Variants in ZNF804B observed in about 807,000 individuals in gnomAD.
The protein encoded by ZNF804B is zinc finger protein 804B.
Under a neutral mutation model 101.4 loss-of-function variants are expected in ZNF804B, and 80 were observed. The observed-to-expected ratio is 0.79, with a 90% confidence interval of 0.66 to 0.95. The LOEUF (loss-of-function observed/expected upper bound fraction) is 0.95, where lower values mean the gene tolerates loss of function less well. Among genes scored for constraint, ZNF804B ranks in the 40% least tolerant of loss-of-function variants. The pLI is 0.00. For synonymous variants in ZNF804B, 622 were observed against 558.8 expected, an observed-to-expected ratio of 1.11 and a Z score of -1.59; for missense variants, 1,673 against 1,561.9, an observed-to-expected ratio of 1.07 and a Z score of -1.20.
chr7:89,145,825 T>C (rs1790782683), intron 1 of ZNF804B, among the ~76,000 whole-genome samples: 1 of 152,054 alleles, frequency 6.6e-6, no homozygotes, highest in African/African-American at 2.4e-5. Context: ...AATCCTCTTT[T>C]TTCATTTTTG....
intron 1 of ZNF804B, among the ~76,000 whole-genome samples, chr7:89,030,246 A>G (rs1329056072): frequency 6.6e-6 from 1 of 152,182 alleles, no homozygotes; most frequent in Non-Finnish European, 1.5e-5. Context: ...GTTTAGTGTC[A>G]TCTGAAGTCT....
intron 2 of ZNF804B, among the ~76,000 whole-genome samples, chr7:89,302,868 A>T (rs1562941033): frequency 1.3e-5 from 2 of 151,924 alleles, no homozygotes; most frequent in Non-Finnish European, 2.9e-5. Flanking sequence ...TAACAACCTG[A>T]TGGCAATAAA....
At chr7:89,161,507 T>C (rs556558814) in intron 1 of ZNF804B, among the ~76,000 whole-genome samples, 15 of 100,306 alleles carry the variant, frequency 1.5e-4, no homozygotes, top group African/African-American at 3.8e-4. Context: ...ATATATACTG[T>C]AGACTATTGA....
chr7:89,335,736 A>C lies in ZNF804B; in HGVS notation c.2754A>C (p.Gly918=), dbSNP rs781272729. 6.2e-6 allele frequency: 10 copies of C among 1,613,950 alleles called. No individual in the cohort carries two copies. Among genetic ancestry groups the C allele is most frequent in the Non-Finnish European group, 6.8e-6 (8 of 1,179,974 alleles). Residue 918 remains glycine (G), a synonymous_variant, in exon 4 of 4, where the codon GGA becomes GGC. Coordinates refer to ENST00000333190, the MANE Select transcript of ZNF804B (RefSeq NM_181646.5). Reference sequence around the variant, plus strand: ...CCACAGAATCAAACACTGCAGAAGGAGAGAGGACCCCTCTAACAGCAAAAA... The same window carrying C: ...CCACAGAATCAAACACTGCAGAAGGCGAGAGGACCCCTCTAACAGCAAAAA... ...SETTESNTAE[G]ERTPLTAKIL...
intron 1 of ZNF804B, among the ~76,000 whole-genome samples, chr7:89,090,485 G>T (rs1197156138): frequency 6.6e-6 from 1 of 152,002 alleles, no homozygotes; most frequent in African/African-American, 2.4e-5. Flanking sequence ...TAATCAACAT[G>T]TATTTGATAA....
intron 1 of ZNF804B, among the ~76,000 whole-genome samples, chr7:88,937,849 A>G (rs1279111959): frequency 1.3e-5 from 2 of 152,076 alleles, no homozygotes; most frequent in African/African-American, 4.8e-5. Flanking sequence ...AAAAAACTTT[A>G]CATCTTTGAG....
chr7:89,279,684 G>T (rs1010812555), intron 2 of ZNF804B, among the ~76,000 whole-genome samples: 5 of 152,124 alleles, frequency 3.3e-5, no homozygotes, highest in African/African-American at 9.7e-5. Context: ...AACCAGCCTT[G>T]CATCCCAGGG....
intron 2 of ZNF804B, among the ~76,000 whole-genome samples, chr7:89,247,012 G>A (rs939785513): frequency 1.3e-5 from 2 of 152,120 alleles, no homozygotes; most frequent in African/African-American, 2.4e-5. Context: ...GGTGCAGGGG[G>A]CTCCTCTCCA....
chr7:89,280,552 A>G (rs1390428576), intron 2 of ZNF804B, among the ~76,000 whole-genome samples: 1 of 152,240 alleles, frequency 6.6e-6, no homozygotes, highest in African/African-American at 2.4e-5. Context: ...AATAGACGCA[A>G]TAAAAAATGA....
chr7:89,106,160 C>G (rs1790133547), intron 1 of ZNF804B, among the ~76,000 whole-genome samples: 1 of 152,124 alleles, frequency 6.6e-6, no homozygotes, highest in Non-Finnish European at 1.5e-5. Context: ...TAGTGTGTGG[C>G]ATGGAGCCCA....
intron 1 of ZNF804B, among the ~76,000 whole-genome samples, chr7:88,954,819 A>G (rs1339991227): frequency 6.6e-6 from 1 of 151,700 alleles, no homozygotes; most frequent in Admixed American, 6.6e-5. Flanking sequence ...TGGGTAATTC[A>G]CTTATTTTCA....
chr7:89,252,275 T>C, intron 2 of ZNF804B, among the ~76,000 whole-genome samples: 2 of 151,984 alleles, frequency 1.3e-5, no homozygotes, highest in East Asian at 1.9e-4. Context: ...CAAAAGAAGA[T>C]TTATAAGCAG....
intron 2 of ZNF804B, among the ~76,000 whole-genome samples, chr7:89,323,937 T>C (rs1479859078): frequency 2.6e-5 from 4 of 152,112 alleles, no homozygotes; most frequent in Non-Finnish European, 5.9e-5. Flanking sequence ...CTGAAGTAAA[T>C]GAGTTCTTGT....
chr7:89,173,387 ATAAT>A (rs2116437759), intron 1 of ZNF804B, among the ~76,000 whole-genome samples: 1 of 152,070 alleles, frequency 6.6e-6, no homozygotes, highest in East Asian at 1.9e-4. Context: ...AAGTATGAAA[ATAAT>A]TATGTTAAAT....
intron 1 of ZNF804B, among the ~76,000 whole-genome samples, chr7:89,142,078 T>A (rs1298939587): frequency 6.6e-6 from 1 of 151,692 alleles, no homozygotes; most frequent in East Asian, 1.9e-4. Flanking sequence ...CCTTTAAAGA[T>A]TTTTTTAAGA....
chr7:88,906,728 C>G (rs149700149), intron 1 of ZNF804B, among the ~76,000 whole-genome samples: 5 of 152,104 alleles, frequency 3.3e-5, no homozygotes, highest in Admixed American at 2.0e-4. Flanking sequence ...GTGGAGTGTT[C>G]TATAGGTGTC....
At chr7:89,119,598 G>A (rs1331397992) in intron 1 of ZNF804B, among the ~76,000 whole-genome samples, 1 of 152,092 alleles carries the variant, frequency 6.6e-6, no homozygotes, top group East Asian at 1.9e-4. Context: ...GCTTTTGTAT[G>A]TCTTTTCTGT....
intron 1 of ZNF804B, among the ~76,000 whole-genome samples, chr7:89,050,523 A>G (rs1456107424): frequency 6.6e-6 from 1 of 152,140 alleles, no homozygotes; most frequent in Non-Finnish European, 1.5e-5. Context: ...AATGTCCCTG[A>G]TGGTTAGTCA....
chr7:89,067,121 A>G (rs1413955156), intron 1 of ZNF804B, among the ~76,000 whole-genome samples: 1 of 152,186 alleles, frequency 6.6e-6, no homozygotes, highest in Non-Finnish European at 1.5e-5. Flanking sequence ...TAAGCTACCG[A>G]TCAATCTATC....
Sources: gnomAD v4.1 joint callset for allele counts (sites outside exome capture counted in the v4.1 genomes callset) on GRCh38, gnomAD v4.1.1 for gene constraint, MANE v1.5 for transcripts, NCBI Gene and HGNC (gene_info 2026-07-23, HGNC 2026-07-21) for gene names.